AAMDC: variants seen among roughly 807,000 people sequenced by gnomAD.
The protein encoded by AAMDC is adipogenesis associated Mth938 domain containing.
A neutral mutation model predicts 15.5 loss-of-function variants in AAMDC; 16 were observed. That is an observed-to-expected ratio of 1.03 (90% CI 0.70 to 1.57). AAMDC has a LOEUF of 1.57. Among genes scored for constraint, AAMDC ranks in the 40% most tolerant of loss-of-function variants. The pLI is 0.00. For missense variants in AAMDC, 141 were observed against 144.9 expected (o/e 0.97, Z 0.14); for synonymous variants, 51 against 51.6 (o/e 0.99, Z 0.05).
chr11:77,829,213 T>A (rs1949311413), intron 1 of AAMDC, among the ~76,000 whole-genome samples: 1 of 152,032 alleles, frequency 6.6e-6, no homozygotes, highest in African/African-American at 2.4e-5. Context: ...CACATGCATA[T>A]GCCAAGGAGA....
intron 5 of AAMDC, among the ~76,000 whole-genome samples, chr11:77,881,657 T>C (rs1335928632): frequency 6.6e-6 from 1 of 152,224 alleles, no homozygotes; most frequent in East Asian, 1.9e-4. Flanking sequence ...ATTTTCATTA[T>C]TTGTTGAGTG....
chr11:77,897,266 G>C (rs1388445995), intron 5 of AAMDC, among the ~76,000 whole-genome samples: 2 of 151,916 alleles, frequency 1.3e-5, no homozygotes, highest in East Asian at 3.9e-4. Context: ...GGCCGAGGTG[G>C]AAGGACACTT....
At chr11:77,865,835 G>A (rs962774729) in intron 2 of AAMDC, among the ~76,000 whole-genome samples, 10 of 152,104 alleles carry the variant, frequency 6.6e-5, no homozygotes, top group South Asian at 2.1e-4. Context: ...CTTCTTTTGT[G>A]TATTCTAAAA....
At chr11:77,855,954 G>A (rs1452370742) in intron 2 of AAMDC, among the ~76,000 whole-genome samples, 1 of 151,922 alleles carries the variant, frequency 6.6e-6, no homozygotes, top group African/African-American at 2.4e-5. Flanking sequence ...CCTGGCTCTA[G>A]CAAAAACACA....
At position 77,842,546 on chromosome 11, in the gene AAMDC, A is replaced by G; in HGVS notation, c.50A>G (p.Lys17Arg). ...ASLSWGQMKV[K>R]GSNTTYKDCK... ...TTATCATGGGGGCAAATGAAAGTAA[A>G]AGGCTCTAATACAACCTATAAGGAC... Residue 17 changes from lysine (K) to arginine (R), a missense_variant, in exon 2 of 4, where the codon AAA becomes AGA. By Grantham distance (26) the Lys-to-Arg change is conservative. Coordinates refer to ENST00000393427, the MANE Select transcript of AAMDC (RefSeq NM_024684.4). The G allele has an allele frequency of 2.5e-6, 4 of 1,614,094 alleles. No individual in the cohort carries two copies. The highest frequency in any genetic ancestry group is 3.4e-6 in the Non-Finnish European group (4 of 1,179,992).
At chr11:77,876,394 A>T (rs1008893273), downstream of AAMDC, among the ~76,000 whole-genome samples, 2 of 149,096 alleles carry the variant, frequency 1.3e-5, no homozygotes, top group African/African-American at 4.9e-5. Context: ...AAACCTTTAT[A>T]AAAAGGTCTT....
intron 5 of AAMDC, among the ~76,000 whole-genome samples, chr11:77,886,889 T>C (rs2136374654): frequency 6.6e-6 from 1 of 152,166 alleles, no homozygotes; most frequent in Middle Eastern, 3.4e-3. Flanking sequence ...AAAGATATTC[T>C]TTGAAACCAA....
chr11:77,891,952 G>C, intron 5 of AAMDC: 1 of 1,548,632 alleles, frequency 6.5e-7, no homozygotes. Flanking sequence ...GAAGTGAGAG[G>C]AGCTTGCAGT....
chr11:77,901,319 A>G, downstream of AAMDC: 1 of 1,257,982 alleles, frequency 7.9e-7, no homozygotes, highest in South Asian at 1.2e-5. Flanking sequence ...GTCTTTCCTA[A>G]ATTTCATTTC....
chr11:77,858,302 CT>C (rs71473358), intron 2 of AAMDC, among the ~76,000 whole-genome samples: 1,718 of 69,298 alleles, frequency 0.025, 13 homozygotes, highest in African/African-American at 0.091. Flanking sequence ...TTAAGCAATT[CT>C]TTTTTTTTTT....
intron 1 of AAMDC, among the ~76,000 whole-genome samples, chr11:77,834,946 C>A (rs1370279882): frequency 6.6e-6 from 1 of 151,986 alleles, no homozygotes; most frequent in Non-Finnish European, 1.5e-5. Flanking sequence ...ATCTCATGAG[C>A]TAAACCAGAG....
chr11:77,853,868 G>C (rs1186108396), intron 2 of AAMDC, among the ~76,000 whole-genome samples: 1 of 152,000 alleles, frequency 6.6e-6, no homozygotes, highest in African/African-American at 2.4e-5. Flanking sequence ...TTGAACCCAG[G>C]AGGTGGAGGT....
chr11:77,858,299 A>ATTTTTTTTTTTT (rs1950717647), intron 2 of AAMDC, among the ~76,000 whole-genome samples: 5 of 91,556 alleles, frequency 5.5e-5, no homozygotes, highest in African/African-American at 1.2e-4. Context: ...CGTTTAAGCA[A>ATTTTTTTTTTTT]TTCTTTTTTT....
downstream of AAMDC, among the ~76,000 whole-genome samples, chr11:77,872,725 A>G (rs545563761): frequency 2.5e-4 from 38 of 152,274 alleles, no homozygotes; most frequent in East Asian, 6.2e-3. Flanking sequence ...AGGTGGGCAG[A>G]TCACTTGAGG....
chr11:77,848,211 G>T (rs1266418727), intron 2 of AAMDC, among the ~76,000 whole-genome samples: 2 of 152,186 alleles, frequency 1.3e-5, no homozygotes, highest in Non-Finnish European at 2.9e-5. Context: ...TCTGACAAAG[G>T]TTATCCAGAC....
chr11:77,843,933 T>C (rs1191311362), intron 2 of AAMDC, among the ~76,000 whole-genome samples: 1 of 152,112 alleles, frequency 6.6e-6, no homozygotes, highest in Non-Finnish European at 1.5e-5. Context: ...AGAGAAACTC[T>C]CGTTTTTAAA....
intron 5 of AAMDC, among the ~76,000 whole-genome samples, chr11:77,889,896 C>T (rs1183616786): frequency 6.6e-6 from 1 of 152,150 alleles, no homozygotes; most frequent in Admixed American, 6.6e-5. Flanking sequence ...CCTTAAGTAA[C>T]CTGCCTACAA....
At chr11:77,874,174 G>T (rs1242085807), downstream of AAMDC, among the ~76,000 whole-genome samples, 1 of 152,200 alleles carries the variant, frequency 6.6e-6, no homozygotes, top group Non-Finnish European at 1.5e-5. Flanking sequence ...CCTAGAAGCA[G>T]ACGGGAGTGA....
intron 1 of AAMDC, among the ~76,000 whole-genome samples, chr11:77,834,131 T>G (rs931123221): frequency 6.6e-6 from 1 of 152,202 alleles, no homozygotes; most frequent in African/African-American, 2.4e-5. Flanking sequence ...TCATGCAGAT[T>G]CATATATACT....
Sources: gnomAD v4.1 joint callset for allele counts (sites outside exome capture counted in the v4.1 genomes callset) on GRCh38, gnomAD v4.1.1 for gene constraint, MANE v1.5 for transcripts, NCBI Gene and HGNC (gene_info 2026-07-23, HGNC 2026-07-21) for gene names.